Variants in ARHGAP32 observed in about 807,000 individuals in gnomAD.
ARHGAP32 encodes the protein Rho GTPase activating protein 32.
A neutral mutation model predicts 186.5 loss-of-function variants in ARHGAP32; 51 were observed. That is an observed-to-expected ratio of 0.27 (90% CI 0.22 to 0.35). The LOEUF is 0.35. Ranked by LOEUF, ARHGAP32 falls within the 10% of genes least tolerant of loss-of-function variation. ARHGAP32 has a pLI of 1.00. For missense variants in ARHGAP32, 2,186 were observed against 2,623.5 expected (o/e 0.83, Z 3.64); for synonymous variants, 950 against 964.3 (o/e 0.99, Z 0.27).
intron 1 of ARHGAP32, among the ~76,000 whole-genome samples, chr11:129,263,774 A>G (rs1238298435): frequency 6.6e-6 from 1 of 152,186 alleles, no homozygotes; most frequent in Non-Finnish European, 1.5e-5. Context: ...GGAACCTTTG[A>G]GCACTCTTGA....
At chr11:129,262,143 A>T (rs537455119) in intron 1 of ARHGAP32, among the ~76,000 whole-genome samples, 1 of 152,330 alleles carries the variant, frequency 6.6e-6, no homozygotes, top group East Asian at 1.9e-4. Context: ...AAATAGAATT[A>T]AAATAGATCT....
upstream of ARHGAP32, among the ~76,000 whole-genome samples, chr11:129,196,828 A>T (rs1286074021): frequency 2.0e-5 from 3 of 152,136 alleles, no homozygotes; most frequent in African/African-American, 7.2e-5. Context: ...AGGCCAAGGC[A>T]GGGAGATCAC....
At chr11:129,063,337 T>C (rs1288969951) in intron 9 of ARHGAP32, among the ~76,000 whole-genome samples, 1 of 152,190 alleles carries the variant, frequency 6.6e-6, no homozygotes, top group Non-Finnish European at 1.5e-5. Flanking sequence ...GCATTTTTTT[T>C]CTCTCATTAG....
intron 2 of ARHGAP32, among the ~76,000 whole-genome samples, chr11:129,129,555 C>T (rs1029602938): frequency 5.3e-5 from 8 of 152,190 alleles, no homozygotes; most frequent in Non-Finnish European, 7.3e-5. Flanking sequence ...TCATTGAGAA[C>T]GGGCCATGAT....
chr11:128,970,930 G>C lies in ARHGAP32; in HGVS notation c.4283C>G (p.Pro1428Arg). ...AHPCGFPAPL[P>R]PTRMMESKMI... Reference sequence around the variant, plus strand: ...CTTACTCTCCATCATCCTGGTGGGGGGCAGTGGTGCAGGAAAGCCACAGGG... The same window carrying C: ...CTTACTCTCCATCATCCTGGTGGGGCGCAGTGGTGCAGGAAAGCCACAGGG... The change falls in exon 23 of 23, where the codon CCC becomes CGC. Residue 1428 changes from proline to arginine, a missense_variant. This residue lies in a region of ARHGAP32 where 1,502 missense variants were observed against 1,570.0 expected (regional missense o/e 0.96). Transcript: ENST00000682385. This position sits in a 1 kb window ranked among gnomAD's most constrained non-coding sequence, Gnocchi z 5.8. 1 of 1,614,056 alleles carries C rather than the reference G, an allele frequency of 6.2e-7. No homozygotes were observed. The highest frequency in any genetic ancestry group is 8.5e-7 in the Non-Finnish European group (1 of 1,179,966).
intron 2 of ARHGAP32, among the ~76,000 whole-genome samples, chr11:129,150,114 CAA>C (rs61492745): frequency 9.0e-5 from 7 of 78,136 alleles, no homozygotes; most frequent in Admixed American, 1.3e-4. Context: ...CTGACAAAGA[CAA>C]AAAAAAAAAA....
chr11:129,055,811 A>G (rs1591572683), intron 10 of ARHGAP32, among the ~76,000 whole-genome samples: 1 of 152,272 alleles, frequency 6.6e-6, no homozygotes, highest in East Asian at 1.9e-4. Context: ...TTAGGGCAAT[A>G]AAACTATTCA....
At chr11:129,217,432 C>T (rs547550868) in intron 1 of ARHGAP32, among the ~76,000 whole-genome samples, 293 of 152,242 alleles carry the variant, frequency 1.9e-3, no homozygotes, top group Non-Finnish European at 3.4e-3. Context: ...TATGCCTTGC[C>T]AAAATCTAAC....
At chr11:129,204,704 A>G (rs1944495330) in intron 1 of ARHGAP32, among the ~76,000 whole-genome samples, 1 of 152,216 alleles carries the variant, frequency 6.6e-6, no homozygotes, top group Admixed American at 6.5e-5. Context: ...GAGAATCAAC[A>G]ATGACTAGTT....
intron 2 of ARHGAP32, among the ~76,000 whole-genome samples, chr11:129,143,638 G>A (rs889510982): frequency 8.6e-6 from 1 of 115,810 alleles, no homozygotes; most frequent in African/African-American, 2.9e-5. Context: ...CACAAGAGGA[G>A]TGATGCTGCC....
chr11:129,185,594 A>G (rs1267074119), intron 1 of ARHGAP32, among the ~76,000 whole-genome samples: 1 of 152,198 alleles, frequency 6.6e-6, no homozygotes, highest in Non-Finnish European at 1.5e-5. Context: ...TAAAACTTAA[A>G]GTATAATAAT....
chr11:129,039,428 G>A (rs1939496952), intron 11 of ARHGAP32, among the ~76,000 whole-genome samples: 1 of 152,188 alleles, frequency 6.6e-6, no homozygotes, highest in Non-Finnish European at 1.5e-5. Flanking sequence ...TACTGCACAG[G>A]TGAATCTTGA....
chr11:129,138,841 TCA>T (rs1274420936), intron 2 of ARHGAP32, among the ~76,000 whole-genome samples: 2 of 152,186 alleles, frequency 1.3e-5, no homozygotes, highest in Admixed American at 6.5e-5. Flanking sequence ...TTCAACATAA[TCA>T]CAGAGTTGAA....
intron 1 of ARHGAP32, among the ~76,000 whole-genome samples, chr11:129,270,090 G>A (rs1290122748): frequency 6.6e-6 from 1 of 150,778 alleles, no homozygotes. Context: ...TTTATCCAGA[G>A]CTGCCAAAAC....
chr11:129,191,003 C>T (rs1413846164), intron 1 of ARHGAP32, among the ~76,000 whole-genome samples: 3 of 152,038 alleles, frequency 2.0e-5, no homozygotes, highest in Non-Finnish European at 2.9e-5. Flanking sequence ...TTTATTTGAA[C>T]CCCAGAGTAA....
Position 129,156,845 on chromosome 11 carries a change from C to T in ARHGAP32, c.225+7474G>A, listed in dbSNP as rs193193115. On this transcript the variant is annotated intron_variant, in intron 2 of 22. Coordinates refer to ENST00000682385, the MANE Select transcript of ARHGAP32 (RefSeq NM_001378024.1). ...CAAGAGAGCTCCAGCTGGCATCTGG[C>T]GGGTGCCCCTCTGGGACGAAGCTTC... is the stretch of plus-strand genomic sequence containing the variant. Among the ~76,000 whole-genome samples the T allele has an allele frequency of 5.0e-3, 767 of 152,262 alleles. 8 individuals carry two copies. Among genetic ancestry groups the T allele is most frequent in the African/African-American group, 0.017 (715 of 41,560 alleles).
At chr11:129,110,736 C>T (rs2135338039) in intron 5 of ARHGAP32, among the ~76,000 whole-genome samples, 1 of 152,160 alleles carries the variant, frequency 6.6e-6, no homozygotes, top group Middle Eastern at 3.4e-3. Context: ...TCAGCTATTT[C>T]ATTACTGCTA....
intron 11 of ARHGAP32, among the ~76,000 whole-genome samples, chr11:129,004,870 G>A (rs371133895): frequency 4.9e-4 from 74 of 152,078 alleles, no homozygotes; most frequent in African/African-American, 1.8e-3. Flanking sequence ...TACATTTGAT[G>A]TTATTATCGG....
At chr11:129,078,691 C>T (rs1485311261) in intron 6 of ARHGAP32, among the ~76,000 whole-genome samples, 1 of 152,014 alleles carries the variant, frequency 6.6e-6, no homozygotes, top group African/African-American at 2.4e-5. Flanking sequence ...CAGGGTTTCA[C>T]CATGTTGGCC....
Sources: gnomAD v4.1 joint callset for allele counts (sites outside exome capture counted in the v4.1 genomes callset) on GRCh38, gnomAD v4.1.1 for gene constraint, gnomAD v4.1.1 regional missense constraint, Gnocchi (gnomAD v3.1) non-coding constraint, MANE v1.5 for transcripts, NCBI Gene and HGNC (gene_info 2026-07-23, HGNC 2026-07-21) for gene names.